AFG1L: variants seen among roughly 807,000 people sequenced by gnomAD.
AFG1L encodes the protein AFG1-like ATPase.
Under a neutral mutation model 62.2 loss-of-function variants are expected in AFG1L, and 53 were observed. That is an observed-to-expected ratio of 0.85 (90% CI 0.68 to 1.07). The LOEUF (loss-of-function observed/expected upper bound fraction) is 1.07. Ranked by LOEUF, AFG1L falls within the 50% of genes least tolerant of loss-of-function variation. The probability of loss-of-function intolerance (pLI) is 0.00; values close to 1 mark genes in which losing one functional copy is unlikely to be tolerated. For missense variants in AFG1L, 555 were observed against 590.5 expected (o/e 0.94, Z 0.62); for synonymous variants, 228 against 210.3 (o/e 1.08, Z -0.73).
intron 6 of AFG1L, among the ~76,000 whole-genome samples, chr6:108,399,646 ATTTG>A (rs1284644307): frequency 8.0e-6 from 1 of 125,126 alleles, no homozygotes; most frequent in Non-Finnish European, 1.7e-5. Flanking sequence ...ACTTTACTGA[ATTTG>A]TTTATCAGTT....
rs571417952 is a variant in AFG1L at position 108,445,835 on chromosome 6, T to C, written c.808-1379T>C. Among the ~76,000 whole-genome samples the C allele has an allele frequency of 1.2e-4, 18 of 152,146 alleles. 1 individual carries two copies. In the South Asian group the frequency reaches 3.7e-3, roughly 32 times the overall value. On this transcript the variant is annotated intron_variant, in intron 7 of 12. Coordinates refer to ENST00000368977, the MANE Select transcript of AFG1L (RefSeq NM_145315.5). ...AATATGTGATCACCGATCATATAAT[T>C]AATGACATAATTTTTAAAAGTTTGA...
intron 7 of AFG1L, among the ~76,000 whole-genome samples, chr6:108,445,377 A>G (rs1400233985): frequency 2.6e-5 from 4 of 152,324 alleles, no homozygotes; most frequent in African/African-American, 9.6e-5. Context: ...TCACTGGAGT[A>G]GCACTTTTCA....
At chr6:108,346,866 C>T in intron 2 of AFG1L, 122 bp from the exon 3 acceptor site, 4 of 696,112 alleles carry the variant, frequency 5.7e-6, no homozygotes, top group African/African-American at 1.9e-5. Flanking sequence ...AAGTTTTTTT[C>T]TTACTTATTG....
In AFG1L at chr6:108,421,098, G is replaced by C. The variant is rs534384351; in HGVS notation, c.807+19044G>C. On this transcript the variant is annotated intron_variant, in intron 7 of 12. Transcript: ENST00000368977. Reference sequence around the variant, plus strand: ...TCATAGGCCACCATGGAGGTCTGCAGAGAAGAACTTTAATCCAATAAACAT... The same window carrying C: ...TCATAGGCCACCATGGAGGTCTGCACAGAAGAACTTTAATCCAATAAACAT... 3.9e-5 allele frequency among the ~76,000 whole-genome samples: 6 copies of C among 152,216 alleles called. No homozygotes were observed. The South Asian group carries it at 1.2e-3, about 32-fold the overall frequency.
chr6:108,351,677 A>T (rs189089162), intron 3 of AFG1L, among the ~76,000 whole-genome samples: 205 of 152,334 alleles, frequency 1.3e-3, no homozygotes, highest in African/African-American at 4.7e-3. Context: ...TTTTACAAAT[A>T]AGCATATTAA....
At chr6:108,358,994 C>T (rs2114471852) in intron 5 of AFG1L, 1 of 152,316 alleles carries the variant, frequency 6.6e-6, no homozygotes, top group South Asian at 2.1e-4. Flanking sequence ...GTCTAGGGCT[C>T]ATGATACTTT....
chr6:108,372,477 G>T (rs1044419298), intron 6 of AFG1L, among the ~76,000 whole-genome samples: 11 of 151,756 alleles, frequency 7.2e-5, no homozygotes, highest in Non-Finnish European at 1.3e-4. Context: ...TTACAGGCAC[G>T]CACTACCATG....
intron 1 of AFG1L, among the ~76,000 whole-genome samples, chr6:108,308,264 C>G (rs1393623144): frequency 6.6e-6 from 1 of 151,980 alleles, no homozygotes; most frequent in African/African-American, 2.4e-5. Flanking sequence ...GTCCTCTCAC[C>G]TCAGTCTCCC....
chr6:108,444,796 G>A (rs1003153164), intron 7 of AFG1L, among the ~76,000 whole-genome samples: 2 of 152,200 alleles, frequency 1.3e-5, no homozygotes, highest in Non-Finnish European at 1.5e-5. Context: ...CATTTATAAA[G>A]CACAGGCAGA....
At chr6:108,508,597 GCTGCATCCTTCTTAGAA>G (rs1245752674) in intron 10 of AFG1L, among the ~76,000 whole-genome samples, 1 of 152,130 alleles carries the variant, frequency 6.6e-6, no homozygotes, top group Non-Finnish European at 1.5e-5. Flanking sequence ...TCCCATAATT[GCTGCATCCTTCTTAGAA>G]CTGCTCTCTA....
At chr6:108,443,396 A>T (rs1265147552) in intron 7 of AFG1L, among the ~76,000 whole-genome samples, 1 of 152,200 alleles carries the variant, frequency 6.6e-6, no homozygotes, top group Non-Finnish European at 1.5e-5. Context: ...GTCACCTAGG[A>T]TATTATTGCA....
At chr6:108,505,418 T>C (rs1337101703) in intron 10 of AFG1L, among the ~76,000 whole-genome samples, 1 of 152,054 alleles carries the variant, frequency 6.6e-6, no homozygotes, top group African/African-American at 2.4e-5. Flanking sequence ...GTATTTTTTT[T>C]CAAAGGTAAA....
intron 7 of AFG1L, among the ~76,000 whole-genome samples, chr6:108,441,548 T>G (rs1020109439): frequency 2.0e-5 from 3 of 152,004 alleles, no homozygotes; most frequent in African/African-American, 7.2e-5. Context: ...CTTGTAAATA[T>G]CACTGGAAAT....
At chr6:108,353,120 G>A (rs1779144532) in intron 3 of AFG1L, among the ~76,000 whole-genome samples, 1 of 151,312 alleles carries the variant, frequency 6.6e-6, no homozygotes, top group Non-Finnish European at 1.5e-5. Context: ...CTCAGAAGTG[G>A]AATTGCTGGA....
intron 3 of AFG1L, among the ~76,000 whole-genome samples, chr6:108,354,004 T>C (rs551268985): frequency 1.9e-4 from 29 of 152,328 alleles, no homozygotes; most frequent in Non-Finnish European, 2.2e-4. Flanking sequence ...TGGATTCTAG[T>C]AATTGCAAAG....
intron 2 of AFG1L, 137 bp downstream of exon 2, chr6:108,324,185 C>T (rs1373703580): frequency 3.2e-6 from 2 of 623,338 alleles, no homozygotes; most frequent in East Asian, 2.8e-5. Context: ...TCTGTTGGAT[C>T]CCCATTCCTG....
chr6:108,400,626 A>AT (rs925053866), intron 6 of AFG1L, among the ~76,000 whole-genome samples: 5 of 131,814 alleles, frequency 3.8e-5, no homozygotes, highest in African/African-American at 1.4e-4. Flanking sequence ...TTTATATAAA[A>AT]TAATTTATAT....
At chr6:108,392,020 T>C (rs1781078264) in intron 6 of AFG1L, 1 of 152,200 alleles carries the variant, frequency 6.6e-6, no homozygotes. Flanking sequence ...TGATATGTCA[T>C]ATTTTTTCCT....
intron 3 of AFG1L, among the ~76,000 whole-genome samples, chr6:108,349,254 C>T (rs955894997): frequency 4.6e-5 from 7 of 152,004 alleles, no homozygotes; most frequent in East Asian, 3.9e-4. Context: ...TAGGCCGAGG[C>T]GAGTGGATTG....
Sources: gnomAD v4.1 joint callset for allele counts (sites outside exome capture counted in the v4.1 genomes callset) on GRCh38, gnomAD v4.1.1 for gene constraint, MANE v1.5 for transcripts, NCBI Gene and HGNC (gene_info 2026-07-23, HGNC 2026-07-21) for gene names.